ARID5B: variants seen among roughly 807,000 people sequenced by gnomAD.
The protein encoded by ARID5B is AT-rich interactive domain-containing protein 5B.
In ARID5B, 13 loss-of-function variants were observed where a neutral mutation model predicts 97.2. The ratio of observed to expected loss-of-function variants is 0.13; its 90% CI spans 0.09 to 0.21. ARID5B has a LOEUF of 0.21. Among genes scored for constraint, ARID5B ranks in the 10% least tolerant of loss-of-function variants. ARID5B has a pLI of 1.00. For synonymous variants in ARID5B, 556 were observed against 570.3 expected (o/e 0.97, Z 0.36); for missense variants, 1,210 against 1,465.3 (o/e 0.83, Z 2.84).
In ARID5B at chr10:62,000,728, C is replaced by T. The variant is rs1839066672; in HGVS notation, c.733+407C>T. Among the ~76,000 whole-genome samples the T allele has an allele frequency of 6.6e-6, 1 of 151,956 alleles. No individual in the cohort carries two copies. Among genetic ancestry groups the T allele is most frequent in the Non-Finnish European group, 1.5e-5 (1 of 67,996 alleles). On this transcript the variant is annotated intron_variant, in intron 4 of 9. Coordinates refer to ENST00000279873, the MANE Select transcript of ARID5B (RefSeq NM_032199.3). This position sits in a 1 kb window ranked among gnomAD's most constrained non-coding sequence, Gnocchi z 4.4. ...CAATGGTAACCACTTCAGTAGTAAA[C>T]AGTGAATAGATAAATAGATAGAAAG...
intron 3 of ARID5B, among the ~76,000 whole-genome samples, chr10:61,982,641 G>T (rs1361924829): frequency 6.6e-6 from 1 of 152,222 alleles, no homozygotes; most frequent in East Asian, 1.9e-4. Flanking sequence ...AAGATATCAT[G>T]TGGTGGGAAA....
intron 2 of ARID5B, among the ~76,000 whole-genome samples, chr10:61,923,737 G>A (rs774355050): frequency 3.9e-5 from 6 of 152,200 alleles, no homozygotes; most frequent in Non-Finnish European, 7.3e-5. Flanking sequence ...GGACTAGAAG[G>A]AGTGTGAGCT....
chr10:62,010,454 G>T (rs1349564679), intron 4 of ARID5B, among the ~76,000 whole-genome samples: 1 of 152,176 alleles, frequency 6.6e-6, no homozygotes, highest in African/African-American at 2.4e-5. Context: ...TTGTTGAAAT[G>T]ATACGAAAAC....
rs1299306324 is a variant in ARID5B at position 62,091,770 on chromosome 10, C to T, written c.2307C>T (p.Ile769=). 1 of 1,614,138 alleles carries T rather than the reference C, an allele frequency of 6.2e-7. No homozygotes were observed. The highest frequency in any genetic ancestry group is 1.7e-5 in the Admixed American group (1 of 60,012). ...RSKPSEERKT[I]NDIFKHEKLS... The stretch of plus-strand genomic sequence containing the variant: ...AGCCCTCGGAAGAGAGAAAGACCAT[C>T]AATGACATCTTTAAGCATGAGAAAC... Residue 769 remains isoleucine, a synonymous_variant, in exon 10 of 10, where the codon ATC becomes ATT. Transcript: ENST00000279873.
chr10:62,077,341 T>A (rs1025394952), intron 8 of ARID5B, among the ~76,000 whole-genome samples: 5 of 152,104 alleles, frequency 3.3e-5, no homozygotes, highest in African/African-American at 1.2e-4. Flanking sequence ...GTTTCTATTT[T>A]AAAAAAATAA....
Position 62,091,049 on chromosome 10 carries a change from T to A in ARID5B, c.1586T>A (p.Val529Glu). ...GACCAAGGTTCCAACAGTGAGAAGG[T>A]GGCAGAGGAGGCGGGAGAGAAGGGG... Reference protein sequence around the residue: ...ETDQGSNSEKVAEEAGEKGPT... With the variant: ...ETDQGSNSEKEAEEAGEKGPT... The change falls in exon 10 of 10, where the codon GTG (valine) becomes GAG (glutamate). Residue 529 changes from valine (V) to glutamate (E), a missense_variant. Val to Glu is a moderately radical substitution (Grantham distance 121, BLOSUM62 -2). Around this residue, in one of 8 missense-constraint regions of ARID5B, gnomAD observed 800 missense variants for 839.1 expected, o/e 0.95. Coordinates refer to ENST00000279873, the MANE Select transcript of ARID5B (RefSeq NM_032199.3). 6.2e-7 allele frequency: 1 copy of A among 1,613,990 alleles called. No individual in the cohort carries two copies. The highest frequency in any genetic ancestry group is 8.5e-7 in the Non-Finnish European group (1 of 1,179,978).
At chr10:61,957,106 C>T (rs1838401613) in intron 3 of ARID5B, among the ~76,000 whole-genome samples, 2 of 152,068 alleles carry the variant, frequency 1.3e-5, no homozygotes, top group South Asian at 4.1e-4. Context: ...CTCTGCTGTC[C>T]AGTATGATAG....
At chr10:61,948,350 G>C (rs539523624) in intron 3 of ARID5B, among the ~76,000 whole-genome samples, 2 of 144,626 alleles carry the variant, frequency 1.4e-5, no homozygotes, top group Non-Finnish European at 3.0e-5. Context: ...TCACCATCAC[G>C]GTTACTTATC....
chr10:62,071,554 T>TA (rs1166095445), intron 8 of ARID5B, among the ~76,000 whole-genome samples: 21 of 12,558 alleles, frequency 1.7e-3, no homozygotes, highest in Admixed American at 0.016. Context: ...TATCACATGG[T>TA]AAAAAAAAAA....
intron 7 of ARID5B, among the ~76,000 whole-genome samples, chr10:62,066,503 C>T (rs1000211798): frequency 6.6e-6 from 1 of 152,178 alleles, no homozygotes; most frequent in African/African-American, 2.4e-5. Flanking sequence ...GACCTGTCTT[C>T]ACTCCAGATG....
At chr10:61,992,984 A>AT (rs1320736540) in intron 3 of ARID5B, among the ~76,000 whole-genome samples, 1 of 152,078 alleles carries the variant, frequency 6.6e-6, no homozygotes, top group Non-Finnish European at 1.5e-5. Context: ...AGTTTGTGGC[A>AT]TTTTCATTTC....
chr10:61,920,162 C>T (rs1843986837), intron 2 of ARID5B, among the ~76,000 whole-genome samples: 1 of 151,762 alleles, frequency 6.6e-6, no homozygotes, highest in Non-Finnish European at 1.5e-5. Flanking sequence ...TTTTGTGTGT[C>T]CTTTTTTCTC....
intron 2 of ARID5B, among the ~76,000 whole-genome samples, chr10:61,919,270 C>A (rs1843969117): frequency 6.6e-6 from 1 of 152,172 alleles, no homozygotes; most frequent in African/African-American, 2.4e-5. Flanking sequence ...AATATACCCA[C>A]TATTCCTCCA....
chr10:61,959,782 A>T (rs1011844992), intron 3 of ARID5B, among the ~76,000 whole-genome samples: 3 of 152,208 alleles, frequency 2.0e-5, no homozygotes, highest in Non-Finnish European at 4.4e-5. Context: ...CTAATAGTTC[A>T]TGCACGTGTG....
intron 6 of ARID5B, among the ~76,000 whole-genome samples, chr10:62,058,504 GCTAGCAA>G (rs755878813): frequency 8.9e-4 from 136 of 152,274 alleles, no homozygotes; most frequent in Non-Finnish European, 1.4e-3. Flanking sequence ...GAACAGGGTT[GCTAGCAA>G]TTTGGTATAG....
intron 4 of ARID5B, among the ~76,000 whole-genome samples, chr10:62,015,709 C>T (rs564541680): frequency 1.2e-4 from 18 of 152,196 alleles, no homozygotes; most frequent in Admixed American, 6.5e-4. Flanking sequence ...CTGCAACCTC[C>T]GCCTCCCGGG....
Position 62,095,688 on chromosome 10 carries a change from C to A in ARID5B, c.*2658C>A. ...AACTCTGAACAGAGATCTTGGAAAT[C>A]TTTCAAAAAGACCATTGAATTCTTC... On this transcript the variant is annotated 3_prime_UTR_variant, in exon 10 of 10. Transcript: ENST00000279873. 1 of 232,894 alleles carries A rather than the reference C, an allele frequency of 4.3e-6. No homozygotes were observed. The highest frequency in any genetic ancestry group is 5.6e-5 in the Admixed American group (1 of 17,772). The allele number at this position is 232,894 out of a possible 1,614,324, so 14.4% of individuals were successfully genotyped here. A position where few individuals can be genotyped will look rare whatever the true frequency, so the allele number is the denominator to read the frequency against.
intron 3 of ARID5B, among the ~76,000 whole-genome samples, chr10:61,983,688 G>T (rs1013484568): frequency 2.6e-5 from 4 of 151,582 alleles, no homozygotes; most frequent in Non-Finnish European, 4.4e-5. Flanking sequence ...GAGAGATCTC[G>T]GCTGCTGACC....
chr10:61,936,952 C>T (rs936278052), intron 2 of ARID5B, among the ~76,000 whole-genome samples: 4 of 152,042 alleles, frequency 2.6e-5, no homozygotes, highest in African/African-American at 9.7e-5. Flanking sequence ...GAATTTGAAC[C>T]CAAGCAATCT....
Sources: allele counts gnomAD v4.1 joint callset (sites outside exome capture counted in the v4.1 genomes callset), GRCh38; gene constraint gnomAD v4.1.1; regional missense constraint gnomAD v4.1.1; non-coding constraint Gnocchi (gnomAD v3.1); transcripts MANE v1.5; gene names NCBI Gene and HGNC (gene_info 2026-07-23, HGNC 2026-07-21).